ZDHHC3: variants seen among roughly 807,000 people sequenced by gnomAD.
ZDHHC3 encodes the protein palmitoyltransferase ZDHHC3.
Under a neutral mutation model 30.6 loss-of-function variants are expected in ZDHHC3, and 9 were observed. That is an observed-to-expected ratio of 0.29 (90% CI 0.18 to 0.51). The LOEUF (loss-of-function observed/expected upper bound fraction) is 0.51, where lower values mean the gene tolerates loss of function less well. Ranked by LOEUF, ZDHHC3 falls within the 20% of genes least tolerant of loss-of-function variation. The probability of loss-of-function intolerance (pLI) is 0.97; values close to 1 mark genes in which losing one functional copy is unlikely to be tolerated. For missense variants in ZDHHC3, 246 were observed against 384.2 expected (o/e 0.64, Z 3.01); for synonymous variants, 136 against 140.2 (o/e 0.97, Z 0.21).
chr3:44,957,065 T>G (rs1704015017), intron 2 of ZDHHC3, among the ~76,000 whole-genome samples: 1 of 152,178 alleles, frequency 6.6e-6, no homozygotes, highest in African/African-American at 2.4e-5. Flanking sequence ...GATCTTCGTC[T>G]GCCTGGCTTG....
Position 44,935,568 on chromosome 3 carries a change from T to C in ZDHHC3, c.432-1584A>G, listed in dbSNP as rs146268596. Among the ~76,000 whole-genome samples, 1,477 of 152,284 alleles carry C rather than the reference T, an allele frequency of 9.7e-3. 22 individuals are homozygous for C. Among genetic ancestry groups the C allele is most frequent in the African/African-American group, 0.033 (1,352 of 41,550 alleles). ...GGAGCCATTGTGCCCAGCAAATAAT[T>C]ACCTCTTGAAGCCACTAGCTATGTG... On this transcript the variant is annotated intron_variant, in intron 3 of 6. Transcript: ENST00000424952.
At position 44,940,226 on chromosome 3, in the gene ZDHHC3, G is replaced by GC. The variant is rs558440014; in HGVS notation, c.431+4941dup. Among the ~76,000 whole-genome samples, 220 of 152,196 alleles carry GC rather than the reference G, an allele frequency of 1.4e-3. 3 individuals are homozygous for GC. The highest frequency in any genetic ancestry group is 4.9e-3 in the African/African-American group (205 of 41,530). On this transcript the variant is annotated intron_variant, in intron 3 of 6. Transcript: ENST00000424952. ...CACCTCAGAGCCAGCCCTTTTCCCA[G>GC]CCCCCACTGCATGCACATGGGCAGG...
At chr3:44,930,359 G>C (rs1399845936) in intron 5 of ZDHHC3, among the ~76,000 whole-genome samples, 1 of 152,206 alleles carries the variant, frequency 6.6e-6, no homozygotes, top group African/African-American at 2.4e-5. Context: ...GGAAATGCCA[G>C]GCCTGGAAGA....
intron 1 of ZDHHC3, among the ~76,000 whole-genome samples, chr3:44,968,392 A>G (rs1466323870): frequency 6.6e-6 from 1 of 152,186 alleles, no homozygotes; most frequent in African/African-American, 2.4e-5. Context: ...CTGGGCACCC[A>G]TAATACCTAT....
intron 1 of ZDHHC3, among the ~76,000 whole-genome samples, chr3:44,964,544 T>C (rs1437188337): frequency 6.6e-6 from 1 of 152,150 alleles, no homozygotes. Context: ...AACTTCATAA[T>C]GAGATGGGAT....
chr3:44,917,260 T>A lies in ZDHHC3; in HGVS notation c.*9429A>T. On this transcript the variant is annotated 3_prime_UTR_variant, in exon 7 of 7. Coordinates refer to ENST00000424952, the MANE Select transcript of ZDHHC3 (RefSeq NM_001135179.2). ...CTGCACATGTGTGTGTAGAGCTTAA[T>A]GCAGGGTCCTCTTTGAACCATGCCT... 1 of 157,518 alleles carries A rather than the reference T, an allele frequency of 6.3e-6. No homozygotes were observed. Among genetic ancestry groups the A allele is most frequent in the Non-Finnish European group, 1.4e-5 (1 of 70,816 alleles). The allele number at this position is 157,518 out of a possible 1,614,324, so 9.8% of individuals were successfully genotyped here. A position where few individuals can be genotyped will look rare whatever the true frequency, so the allele number is the denominator to read the frequency against.
Position 44,945,352 on chromosome 3 carries a change from T to C in ZDHHC3, c.307-60A>G, listed in dbSNP as rs985430902. ...GGGGGTTCTATCAGCTCTAACATTC[T>C]ACAGTGGGGATAGTTATTTGAAAGC... On this transcript the variant is annotated intron_variant, in intron 2 of 6. Coordinates refer to ENST00000424952, the MANE Select transcript of ZDHHC3 (RefSeq NM_001135179.2). The C allele has an allele frequency of 4.4e-6, 7 of 1,608,672 alleles. 1 individual carries two copies. The African/African-American group carries it at 9.4e-5, about 22-fold the overall frequency.
rs972999277 is a variant in ZDHHC3, at chr3:44,921,160, CAT to C, written c.*5527_*5528del. 136 of 985,384 alleles carry C rather than the reference CAT, an allele frequency of 1.4e-4. No individual in the cohort carries two copies. In the African/African-American group the frequency reaches 2.3e-3, roughly 16 times the overall value. The allele number at this position is 985,384 out of a possible 1,614,324, so 61.0% of individuals were successfully genotyped here. ...TTGGCCCAGGTCAGTCTGGGTGACA[CAT>C]GAGCTGTGATCTGTGAACAAACTCA... On this transcript the variant is annotated 3_prime_UTR_variant, in exon 7 of 7. Coordinates refer to ENST00000424952, the MANE Select transcript of ZDHHC3 (RefSeq NM_001135179.2).
intron 2 of ZDHHC3, among the ~76,000 whole-genome samples, chr3:44,948,767 T>A (rs544304484): frequency 6.6e-6 from 1 of 152,128 alleles, no homozygotes; most frequent in Non-Finnish European, 1.5e-5. Context: ...AGATCTCCTG[T>A]CGTCTGCTCT....
Position 44,959,876 on chromosome 3 carries a change from C to G in ZDHHC3, c.-24-416G>C, listed in dbSNP as rs1704319117. On this transcript the variant is annotated intron_variant, in intron 1 of 6. Coordinates refer to ENST00000424952, the MANE Select transcript of ZDHHC3 (RefSeq NM_001135179.2). This position sits in a 1 kb window ranked among gnomAD's most constrained non-coding sequence, Gnocchi z 4.3. ...CCTCGGGCTCAAGGGATCCTCCCACCTCAACCTCCCAAGTACCTAGAACTA... is the reference window on the plus strand; with the variant it reads ...CCTCGGGCTCAAGGGATCCTCCCACGTCAACCTCCCAAGTACCTAGAACTA... Among the ~76,000 whole-genome samples, 1 of 152,192 alleles carries G rather than the reference C, an allele frequency of 6.6e-6. No homozygotes were observed. Among genetic ancestry groups the G allele is most frequent in the African/African-American group, 2.4e-5 (1 of 41,426 alleles).
rs940349763 is a variant in ZDHHC3, at chr3:44,918,390, G to A, written c.*8299C>T. On this transcript the variant is annotated 3_prime_UTR_variant, in exon 7 of 7. Transcript: ENST00000424952. ...CACAGCAAGCAGGGCCCGCCTGGTG[G>A]ACTGACGTGTTCTCCACCCACCACC... 2 of 985,230 alleles carry A rather than the reference G, an allele frequency of 2.0e-6. No homozygotes were observed. Among genetic ancestry groups the A allele is most frequent in the African/African-American group, 3.5e-5 (2 of 57,208 alleles). 61.0% of individuals were successfully genotyped at this position (985,230 alleles called of 1,614,324 possible).
chr3:44,937,755 G>T, intron 3 of ZDHHC3: 1 of 308,638 alleles, frequency 3.2e-6, no homozygotes, highest in Non-Finnish European at 6.5e-6. Flanking sequence ...ATCCTGTGTG[G>T]GCCCCCAAGA....
Position 44,915,952 on chromosome 3 carries a change from A to C in ZDHHC3, c.*10737T>G, listed in dbSNP as rs1215956738. On this transcript the variant is annotated 3_prime_UTR_variant, in exon 7 of 7. Transcript: ENST00000424952. Reference sequence around the variant, plus strand: ...CCCAGAGCTGCTTCTGGGTTAGGACAACAAATAGGGGGCCCTACAGTCAGA... The same window carrying C: ...CCCAGAGCTGCTTCTGGGTTAGGACCACAAATAGGGGGCCCTACAGTCAGA... 1 of 152,234 alleles carries C rather than the reference A, an allele frequency of 6.6e-6. No individual in the cohort carries two copies. Among genetic ancestry groups the C allele is most frequent in the Non-Finnish European group, 1.5e-5 (1 of 68,058 alleles). 9.4% of individuals were successfully genotyped at this position (152,234 alleles called of 1,614,324 possible).
chr3:44,933,339 A>T (rs1701665298), intron 4 of ZDHHC3, 140 bp from the exon 5 acceptor site: 1 of 729,184 alleles, frequency 1.4e-6, no homozygotes, highest in South Asian at 1.7e-5. Flanking sequence ...CCAGAGGGCC[A>T]GCTAGCGATT....
In ZDHHC3 at chr3:44,959,230, T is replaced by C; in HGVS notation, c.207A>G (p.Pro69=). The C allele has an allele frequency of 5.0e-6, 8 of 1,614,156 alleles. No homozygotes were observed. The highest frequency in any genetic ancestry group is 5.9e-6 in the Non-Finnish European group (7 of 1,180,032). Residue 69 remains proline (P), a synonymous_variant, in exon 2 of 7, where the codon CCA becomes CCG. Transcript: ENST00000424952. The surrounding 1 kb of genome is among the most constrained non-coding windows in gnomAD (Gnocchi z 4.3). ...EFVVLFVMLI[P]SRDYVYSIIN... is the part of the protein sequence containing the mutation. ...TGATGCTATACACGTAGTCTCGAGA[T>C]GGAATCAGCATGACAAAGAGGACCA...
chr3:44,922,552 C>T lies in ZDHHC3; in HGVS notation c.*4137G>A, dbSNP rs892884905. ...GGCTTCTCCGCGGAGGGAACACGTG[C>T]CTGTCTCACAATCAGCACACCCCAA... On this transcript the variant is annotated 3_prime_UTR_variant, in exon 7 of 7. Transcript: ENST00000424952. 9 of 985,270 alleles carry T rather than the reference C, an allele frequency of 9.1e-6. No homozygotes were observed. In the African/African-American group the frequency reaches 1.4e-4, roughly 15 times the overall value. 61.0% of individuals were successfully genotyped at this position (985,270 alleles called of 1,614,324 possible).
At position 44,926,337 on chromosome 3, in the gene ZDHHC3, C is replaced by T. The variant is rs966648934; in HGVS notation, c.*352G>A. On this transcript the variant is annotated 3_prime_UTR_variant, in exon 7 of 7. Coordinates refer to ENST00000424952, the MANE Select transcript of ZDHHC3 (RefSeq NM_001135179.2). ...CCAGGTGTCCAGACTATTCCATCCA[C>T]GCACAGCGTCATGTCTCACTCAGTT... 2.0e-5 allele frequency: 20 copies of T among 1,006,144 alleles called. No individual in the cohort carries two copies. The highest frequency in any genetic ancestry group is 9.9e-5 in the East Asian group (1 of 10,110). 62.3% of individuals were successfully genotyped at this position (1,006,144 alleles called of 1,614,324 possible). A position where few individuals can be genotyped will look rare whatever the true frequency, so the allele number is the denominator to read the frequency against.
intron 3 of ZDHHC3, among the ~76,000 whole-genome samples, chr3:44,942,936 C>T (rs1364554436): frequency 1.3e-5 from 2 of 152,178 alleles, no homozygotes; most frequent in Non-Finnish European, 2.9e-5. Context: ...TAAAAAAAAT[C>T]TGAGTGATGG....
chr3:44,937,855 T>C (rs1702113029), intron 3 of ZDHHC3: 4 of 468,428 alleles, frequency 8.5e-6, no homozygotes, highest in South Asian at 6.3e-5. Flanking sequence ...AGGCTTACAG[T>C]GAAAGTGACT....
Sources: gnomAD v4.1 joint callset for allele counts (sites outside exome capture counted in the v4.1 genomes callset) on GRCh38, gnomAD v4.1.1 for gene constraint, Gnocchi (gnomAD v3.1) non-coding constraint, MANE v1.5 for transcripts, NCBI Gene and HGNC (gene_info 2026-07-23, HGNC 2026-07-21) for gene names.